The following CDYL2 variants were observed in gnomAD, a reference collection of about 807,000 sequenced individuals.
The protein encoded by CDYL2 is chromodomain Y-like protein 2.
Under a neutral mutation model 49.4 loss-of-function variants are expected in CDYL2, and 23 were observed. The ratio of observed to expected loss-of-function variants is 0.47; its 90% CI spans 0.34 to 0.66. CDYL2 has a LOEUF of 0.66. Ranked by LOEUF, CDYL2 falls within the 30% of genes least tolerant of loss-of-function variation. The pLI, the probability that CDYL2 is intolerant of heterozygous loss-of-function variation, is 0.01. For missense variants in CDYL2, 678 were observed against 656.4 expected, an observed-to-expected ratio of 1.03 and a Z score of -0.36; for synonymous variants, 360 against 268.8, an observed-to-expected ratio of 1.34 and a Z score of -3.32.
chr16:80,648,885 G>A (rs1908466989), intron 2 of CDYL2, among the ~76,000 whole-genome samples: 1 of 151,942 alleles, frequency 6.6e-6, no homozygotes, highest in African/African-American at 2.4e-5. Context: ...ACAGAATGAT[G>A]GACAAAAACC....
At chr16:80,622,510 A>C (rs1229370610) in intron 3 of CDYL2, among the ~76,000 whole-genome samples, 4 of 151,508 alleles carry the variant, frequency 2.6e-5, no homozygotes, top group Non-Finnish European at 4.4e-5. Context: ...TTATTTGTCC[A>C]CACTTGCTCA....
Position 80,800,626 on chromosome 16 carries a change from AC to A in CDYL2, c.24+3523del, listed in dbSNP as rs1285982983. 6.6e-5 allele frequency among the ~76,000 whole-genome samples: 10 copies of A among 152,136 alleles called. No homozygotes were observed. The East Asian group carries it at 1.7e-3, about 26-fold the overall frequency. On this transcript the variant is annotated intron_variant, in intron 1 of 6. Coordinates refer to ENST00000570137, the MANE Select transcript of CDYL2 (RefSeq NM_152342.4). ...TTCCCTACAGAGAGAGAACTGAGCC[AC>A]CCCTACACACGGTTTTACCACCACC...
Position 80,620,797 on chromosome 16 carries a change from G to A in CDYL2, c.973C>T (p.Arg325Ter). ...YLIGRLSSDR[R>*]KESTRIAEAI... is the part of the protein sequence containing the mutation. Reference sequence around the variant, plus strand: ...TCTGCAATCCGAGTGCTCTCCTTTCGCCGGTCGCTGGACAACCGGCCAATT... The same window carrying A: ...TCTGCAATCCGAGTGCTCTCCTTTCACCGGTCGCTGGACAACCGGCCAATT... Residue 325 changes from arginine to a stop codon, truncating the protein, a stop_gained, in exon 4 of 7, where the codon CGA becomes TGA. Coordinates refer to ENST00000570137, the MANE Select transcript of CDYL2 (RefSeq NM_152342.4). LOFTEE classifies it high-confidence loss of function. 2 of 1,609,488 alleles carry A rather than the reference G, an allele frequency of 1.2e-6. No individual in the cohort carries two copies. The highest frequency in any genetic ancestry group is 8.5e-7 in the Non-Finnish European group (1 of 1,176,956).
chr16:80,721,359 A>G (rs1459232285), intron 1 of CDYL2, among the ~76,000 whole-genome samples: 1 of 152,208 alleles, frequency 6.6e-6, no homozygotes, highest in African/African-American at 2.4e-5. Flanking sequence ...TCATGTAGCA[A>G]ACACACGCTG....
intron 1 of CDYL2, among the ~76,000 whole-genome samples, chr16:80,779,931 T>C (rs1263274920): frequency 6.6e-6 from 1 of 152,158 alleles, no homozygotes; most frequent in African/African-American, 2.4e-5. Context: ...ATCTGCTTTA[T>C]AATCTGGTTT....
chr16:80,624,723 T>G (rs547362961), intron 3 of CDYL2, among the ~76,000 whole-genome samples: 1 of 151,644 alleles, frequency 6.6e-6, no homozygotes, highest in Non-Finnish European at 1.5e-5. Flanking sequence ...AAAACAGACA[T>G]GAACAATAAG....
At chr16:80,661,226 T>C (rs185172526) in intron 2 of CDYL2, among the ~76,000 whole-genome samples, 65 of 152,172 alleles carry the variant, frequency 4.3e-4, no homozygotes, top group African/African-American at 1.4e-3. Context: ...CTATCCCCAA[T>C]TGAGGGATAC....
chr16:80,665,295 T>C (rs1361579287), intron 2 of CDYL2, among the ~76,000 whole-genome samples: 1 of 152,076 alleles, frequency 6.6e-6, no homozygotes, highest in Non-Finnish European at 1.5e-5. Context: ...TCCACGTTCA[T>C]GTAGGGCACT....
intron 3 of CDYL2, among the ~76,000 whole-genome samples, chr16:80,631,725 T>A (rs1158322271): frequency 6.6e-6 from 1 of 152,110 alleles, no homozygotes; most frequent in African/African-American, 2.4e-5. Flanking sequence ...TGACCTAATT[T>A]TAAAAATAGG....
chr16:80,748,121 T>A (rs1008590525), intron 1 of CDYL2, among the ~76,000 whole-genome samples: 2 of 93,612 alleles, frequency 2.1e-5, no homozygotes, highest in African/African-American at 7.9e-5. Flanking sequence ...CTGGGAAGAT[T>A]AAATAATAAT....
chr16:80,630,415 A>T (rs1394403874), intron 3 of CDYL2, among the ~76,000 whole-genome samples: 1 of 152,250 alleles, frequency 6.6e-6, no homozygotes, highest in Non-Finnish European at 1.5e-5. Context: ...CAATTTCTTG[A>T]AAGAAAATGC....
chr16:80,683,769 C>T (rs971051249), intron 2 of CDYL2, among the ~76,000 whole-genome samples: 3 of 152,252 alleles, frequency 2.0e-5, no homozygotes, highest in East Asian at 3.9e-4. Flanking sequence ...GGCTGATGGG[C>T]GCTGCCTTGC....
chr16:80,651,140 C>T (rs978442252), intron 2 of CDYL2, among the ~76,000 whole-genome samples: 1 of 152,050 alleles, frequency 6.6e-6, no homozygotes, highest in African/African-American at 2.4e-5. Flanking sequence ...GGAATAAATG[C>T]TTGAGAGGGT....
intron 3 of CDYL2, 141 bp from the exon 4 acceptor site, chr16:80,621,076 C>T (rs4888102): frequency 0.084 from 75,345 of 897,598 alleles, 5,949 homozygotes; most frequent in East Asian, 0.34. Context: ...GGGAGCCTCC[C>T]CTGAGTACAA....
intron 3 of CDYL2, among the ~76,000 whole-genome samples, chr16:80,625,337 C>T (rs8057859): frequency 0.42 from 63,761 of 152,046 alleles, 15,511 homozygotes; most frequent in African/African-American, 0.68. Context: ...TCTTCCTCAC[C>T]TTCTCAGTTT....
chr16:80,685,189 G>A (rs8047798), intron 1 of CDYL2, 60 bp from the exon 2 acceptor site: 86 of 1,358,062 alleles, frequency 6.3e-5, no homozygotes, highest in African/African-American at 5.2e-4. Context: ...AACTCAGTTC[G>A]AGGCAACAAG....
chr16:80,720,091 G>A lies in CDYL2; in HGVS notation c.25-34962C>T, dbSNP rs571004493. Among the ~76,000 whole-genome samples the A allele has an allele frequency of 3.9e-5, 6 of 152,240 alleles. No individual in the cohort carries two copies. In the South Asian group the frequency reaches 1.2e-3, roughly 32 times the overall value. Reference sequence around the variant, plus strand: ...AGCAAATAATATTTAGGCAGAAATGGGCAGGTAGAGAATGAAACTGGGAAC... The same window carrying A: ...AGCAAATAATATTTAGGCAGAAATGAGCAGGTAGAGAATGAAACTGGGAAC... On this transcript the variant is annotated intron_variant, in intron 1 of 6. Transcript: ENST00000570137.
chr16:80,611,816 G>A (rs1906610452), intron 5 of CDYL2, among the ~76,000 whole-genome samples: 1 of 152,218 alleles, frequency 6.6e-6, no homozygotes. Context: ...CGTGCCAGCT[G>A]TCATCAGTGC....
At chr16:80,751,956 T>G (rs367910517) in intron 1 of CDYL2, among the ~76,000 whole-genome samples, 2 of 152,142 alleles carry the variant, frequency 1.3e-5, no homozygotes, top group South Asian at 2.1e-4. Context: ...CAACCACCCA[T>G]GGCCTGAAAT....
Sources: gnomAD v4.1 joint callset for allele counts (sites outside exome capture counted in the v4.1 genomes callset) on GRCh38, gnomAD v4.1.1 for gene constraint, MANE v1.5 for transcripts, NCBI Gene and HGNC (gene_info 2026-07-23, HGNC 2026-07-21) for gene names.